ZCWPW2: variants seen among roughly 807,000 people sequenced by gnomAD.
The protein encoded by ZCWPW2 is zinc finger CW-type and PWWP domain containing 2.
A neutral mutation model predicts 46.6 loss-of-function variants in ZCWPW2; 45 were observed. The ratio of observed to expected loss-of-function variants is 0.96; its 90% confidence interval spans 0.76 to 1.24. The LOEUF is 1.24. ZCWPW2 is among the 50% of genes most tolerant of loss of function. The pLI is 0.00. For synonymous variants in ZCWPW2, 152 were observed against 137.1 expected, an observed-to-expected ratio of 1.11 and a Z score of -0.76; for missense variants, 429 against 403.9, an observed-to-expected ratio of 1.06 and a Z score of -0.53.
At chr3:28,490,237 A>T (rs934952210) in intron 5 of ZCWPW2, among the ~76,000 whole-genome samples, 3 of 152,200 alleles carry the variant, frequency 2.0e-5, no homozygotes, top group African/African-American at 7.2e-5. Context: ...AATTTAGTTC[A>T]GTGACTGTGT....
chr3:28,512,804 T>A (rs992124550), intron 6 of ZCWPW2, among the ~76,000 whole-genome samples: 2 of 152,134 alleles, frequency 1.3e-5, no homozygotes, highest in East Asian at 3.9e-4. Flanking sequence ...TTCTTAAAAA[T>A]TCTTTCATGG....
chr3:28,364,422 C>T (rs572121957), intron 1 of ZCWPW2, among the ~76,000 whole-genome samples: 23 of 152,020 alleles, frequency 1.5e-4, no homozygotes, highest in African/African-American at 4.6e-4. Context: ...TATAAACATA[C>T]GTGTGTAAGT....
At chr3:28,423,770 T>C (rs557922540) in intron 3 of ZCWPW2, among the ~76,000 whole-genome samples, 100 of 152,252 alleles carry the variant, frequency 6.6e-4, no homozygotes, top group Non-Finnish European at 1.2e-3. Context: ...CAGTTTTGGC[T>C]GCTGTTCTTA....
intron 2 of ZCWPW2, among the ~76,000 whole-genome samples, chr3:28,411,849 T>G (rs1399809790): frequency 6.7e-6 from 1 of 150,058 alleles, no homozygotes; most frequent in South Asian, 2.1e-4. Context: ...GTTTTTAGAC[T>G]TTTTCACTCT....
At chr3:28,460,418 TTTTAAGCAATATTTGCTTCAAG>T (rs1285921134) in intron 4 of ZCWPW2, among the ~76,000 whole-genome samples, 3 of 152,198 alleles carry the variant, frequency 2.0e-5, no homozygotes, top group Admixed American at 2.0e-4. Context: ...CAGTAATAGT[TTTTAAGCAATATTTGCTTCAAG>T]TATTCAATAA....
chr3:28,488,461 G>A (rs966274365), intron 5 of ZCWPW2, among the ~76,000 whole-genome samples: 2 of 152,124 alleles, frequency 1.3e-5, no homozygotes, highest in African/African-American at 2.4e-5. Context: ...ATGTTTTTAC[G>A]AAAATGCTCT....
chr3:28,439,315 G>C (rs1183876516), intron 4 of ZCWPW2, among the ~76,000 whole-genome samples: 1 of 151,964 alleles, frequency 6.6e-6, no homozygotes, highest in East Asian at 1.9e-4. Flanking sequence ...GAAGCATCCA[G>C]CACGGGAGAA....
chr3:28,430,130 T>C (rs1697193139), intron 3 of ZCWPW2, among the ~76,000 whole-genome samples: 1 of 152,132 alleles, frequency 6.6e-6, no homozygotes, highest in Admixed American at 6.5e-5. Flanking sequence ...ACCGTGCAAC[T>C]GGAAAAGCCA....
At chr3:28,441,117 G>T (rs564855266) in intron 4 of ZCWPW2, among the ~76,000 whole-genome samples, 1 of 152,156 alleles carries the variant, frequency 6.6e-6, no homozygotes, top group Admixed American at 6.5e-5. Context: ...AAGATGACTG[G>T]GGAAAGAGGC....
intron 4 of ZCWPW2, among the ~76,000 whole-genome samples, chr3:28,460,109 C>T (rs886137309): frequency 6.6e-6 from 1 of 152,038 alleles, no homozygotes; most frequent in South Asian, 2.1e-4. Context: ...ATATTTCAAG[C>T]CAAGTAATGG....
intron 6 of ZCWPW2, among the ~76,000 whole-genome samples, chr3:28,494,624 G>C (rs62250305): frequency 0.2 from 29,028 of 146,198 alleles, 3,146 homozygotes; most frequent in Middle Eastern, 0.28. Flanking sequence ...ATTAGGAAAA[G>C]AGGAAGTCAA....
Position 28,453,830 on chromosome 3 carries a change from TA to T in ZCWPW2, c.492+18562del, listed in dbSNP as rs1436098604. Reference sequence around the variant, plus strand: ...TTATTTATTTATTTATTTATTTATTTATTTTTATTTTTTTTATTATTATTTT... The same window carrying T: ...TTATTTATTTATTTATTTATTTATTTTTTTTATTTTTTTTATTATTATTTT... On this transcript the variant is annotated intron_variant, in intron 4 of 9. Transcript: ENST00000383768. 6.9e-3 allele frequency among the ~76,000 whole-genome samples: 1,022 copies of T among 147,256 alleles called. 8 individuals are homozygous for T. The highest frequency in any genetic ancestry group is 0.023 in the African/African-American group (920 of 39,840).
intron 1 of ZCWPW2, among the ~76,000 whole-genome samples, chr3:28,359,987 A>G (rs868145521): frequency 3.3e-5 from 5 of 152,154 alleles, no homozygotes; most frequent in Admixed American, 6.5e-5. Context: ...ATATGTTTAA[A>G]ACCAAATATA....
intron 4 of ZCWPW2, among the ~76,000 whole-genome samples, chr3:28,458,269 G>A (rs181378750): frequency 2.6e-5 from 4 of 152,274 alleles, no homozygotes; most frequent in Admixed American, 2.0e-4. Context: ...GAGGATTCTA[G>A]TGCCTACTTT....
At chr3:28,357,649 C>G (rs1248386701) in intron 1 of ZCWPW2, among the ~76,000 whole-genome samples, 1 of 151,756 alleles carries the variant, frequency 6.6e-6, no homozygotes, top group Admixed American at 6.6e-5. Context: ...ATAGCATTGG[C>G]TCTTCTGTTT....
At chr3:28,423,201 A>G (rs1481465878) in intron 3 of ZCWPW2, among the ~76,000 whole-genome samples, 3 of 151,624 alleles carry the variant, frequency 2.0e-5, no homozygotes, top group Non-Finnish European at 4.4e-5. Context: ...GTATTTTTTT[A>G]TTTTAATGAA....
chr3:28,504,086 A>G (rs1213310313), intron 6 of ZCWPW2, among the ~76,000 whole-genome samples: 1 of 151,848 alleles, frequency 6.6e-6, no homozygotes, highest in African/African-American at 2.4e-5. Context: ...GGTCCCAGCT[A>G]CTCAAGAGGC....
intron 6 of ZCWPW2, among the ~76,000 whole-genome samples, chr3:28,505,972 T>A: frequency 6.6e-6 from 1 of 151,304 alleles, no homozygotes; most frequent in Non-Finnish European, 1.5e-5. Context: ...TTATGCAGAT[T>A]ATATAAATCT....
intron 1 of ZCWPW2, among the ~76,000 whole-genome samples, chr3:28,383,081 G>T (rs1695158168): frequency 1.3e-5 from 2 of 152,064 alleles, no homozygotes; most frequent in African/African-American, 4.8e-5. Context: ...TACCTTGAAG[G>T]AGAGGGTAAT....
Sources: gnomAD v4.1 joint callset for allele counts (sites outside exome capture counted in the v4.1 genomes callset) on GRCh38, gnomAD v4.1.1 for gene constraint, MANE v1.5 for transcripts, NCBI Gene and HGNC (gene_info 2026-07-23, HGNC 2026-07-21) for gene names.